The following TRPM3 variants were observed in gnomAD, a reference collection of about 807,000 sequenced individuals.
The protein encoded by TRPM3 is long transient receptor potential channel 3.
TRPM3 carries 77 observed loss-of-function variants against 181.2 expected under a neutral mutation model. The observed-to-expected ratio is 0.42, with a 90% confidence interval of 0.35 to 0.51. TRPM3 has a LOEUF of 0.51. TRPM3 is among the 20% of genes least tolerant of loss of function. The probability of loss-of-function intolerance (pLI) is 0.01; values close to 1 mark genes in which losing one functional copy is unlikely to be tolerated. For synonymous variants in TRPM3, 745 were observed against 796.4 expected (o/e 0.94, Z 1.09); for missense variants, 1,759 against 2,196.7 (o/e 0.80, Z 3.98).
chr9:70,741,684 G>T (rs926758254), intron 8 of TRPM3, among the ~76,000 whole-genome samples: 12 of 152,142 alleles, frequency 7.9e-5, no homozygotes, highest in Non-Finnish European at 1.8e-4. Context: ...CAACCTGTAT[G>T]GAATTGGAGA....
At chr9:71,391,721 T>C (rs1412428334) in intron 1 of TRPM3, among the ~76,000 whole-genome samples, 2 of 152,106 alleles carry the variant, frequency 1.3e-5, no homozygotes, top group Non-Finnish European at 2.9e-5. Context: ...TATTCAACCA[T>C]TTGGACAAAC....
At chr9:70,768,499 T>C (rs566519270) in intron 7 of TRPM3, among the ~76,000 whole-genome samples, 2 of 152,176 alleles carry the variant, frequency 1.3e-5, no homozygotes, top group Non-Finnish European at 2.9e-5. Context: ...AACAGTTTTT[T>C]TTTTCTTGAT....
chr9:70,846,137 T>C (rs1333351003), intron 4 of TRPM3, among the ~76,000 whole-genome samples: 2 of 152,236 alleles, frequency 1.3e-5, no homozygotes, highest in African/African-American at 4.8e-5. Context: ...TGTTTATGAA[T>C]TCTGTATAGT....
At chr9:71,322,187 T>G (rs924002981) in intron 1 of TRPM3, among the ~76,000 whole-genome samples, 4 of 151,842 alleles carry the variant, frequency 2.6e-5, no homozygotes, top group African/African-American at 9.7e-5. Context: ...TGGTATGTCA[T>G]GACATTTAAT....
intron 1 of TRPM3, among the ~76,000 whole-genome samples, chr9:70,986,342 AAC>A (rs1029629694): frequency 3.2e-4 from 49 of 152,198 alleles, no homozygotes; most frequent in Non-Finnish European, 6.2e-4. Context: ...TCACCTGGGC[AAC>A]AGAGGAACAC....
rs540309274 is a variant in TRPM3 at position 70,923,155 on chromosome 9, G to A, written c.178-58644C>T. ...TATTAATTTTTGTAAACATTTAGAT[G>A]AACTAGTTAATAAAAACAAAAAAAG... is the stretch of plus-strand genomic sequence containing the variant. On this transcript the variant is annotated intron_variant, in intron 1 of 25. Transcript: ENST00000677713. Among the ~76,000 whole-genome samples the A allele has an allele frequency of 2.0e-5, 3 of 152,156 alleles. No homozygotes were observed. The East Asian group carries it at 5.8e-4, about 29-fold the overall frequency.
chr9:70,872,247 AG>A (rs1291398709), intron 1 of TRPM3, among the ~76,000 whole-genome samples: 2 of 151,990 alleles, frequency 1.3e-5, no homozygotes, highest in African/African-American at 4.8e-5. Flanking sequence ...CCAATAAAAC[AG>A]GTAGTAGGCT....
chr9:71,322,140 C>T (rs1326096602), intron 1 of TRPM3, among the ~76,000 whole-genome samples: 1 of 152,076 alleles, frequency 6.6e-6, no homozygotes, highest in East Asian at 1.9e-4. Flanking sequence ...TTTTGTGTTA[C>T]AATCCAAGTA....
At chr9:71,167,703 A>G (rs1587743688) in intron 1 of TRPM3, among the ~76,000 whole-genome samples, 2 of 152,226 alleles carry the variant, frequency 1.3e-5, no homozygotes, top group Admixed American at 1.3e-4. Context: ...GCACAAGCTG[A>G]TGAGAGCTCT....
chr9:70,747,707 C>T (rs1283018531), intron 8 of TRPM3, among the ~76,000 whole-genome samples: 1 of 151,858 alleles, frequency 6.6e-6, no homozygotes, highest in Non-Finnish European at 1.5e-5. Flanking sequence ...GTGACAGAGA[C>T]TGTATCTGGT....
intron 7 of TRPM3, among the ~76,000 whole-genome samples, chr9:70,783,691 C>T (rs992858071): frequency 6.6e-6 from 1 of 152,144 alleles, no homozygotes; most frequent in African/African-American, 2.4e-5. Context: ...TGTTTGGAGG[C>T]CAAGCCTGGA....
intron 1 of TRPM3, among the ~76,000 whole-genome samples, chr9:71,307,698 A>G (rs181860695): frequency 3.9e-5 from 6 of 152,254 alleles, no homozygotes; most frequent in Admixed American, 3.9e-4. Context: ...TCTTGGATGT[A>G]CTAACATATG....
intron 1 of TRPM3, among the ~76,000 whole-genome samples, chr9:71,438,597 C>T (rs909665124): frequency 2.0e-5 from 3 of 152,060 alleles, no homozygotes; most frequent in African/African-American, 7.2e-5. Flanking sequence ...CACCTGAGCC[C>T]GGGAGGCTGA....
intron 1 of TRPM3, among the ~76,000 whole-genome samples, chr9:70,913,454 A>G (rs957323206): frequency 7.9e-5 from 12 of 152,184 alleles, no homozygotes; most frequent in African/African-American, 2.9e-4. Context: ...AAGTTTAGAG[A>G]TAGATATTAA....
chr9:70,598,337 C>T (rs1398754126), intron 21 of TRPM3, 82 bp downstream of exon 21: 1 of 1,541,344 alleles, frequency 6.5e-7, no homozygotes, highest in Non-Finnish European at 8.8e-7. Flanking sequence ...GATAGCAGGC[C>T]CAAATGAATT....
chr9:71,263,167 T>G (rs2083177909), intron 1 of TRPM3, among the ~76,000 whole-genome samples: 1 of 152,204 alleles, frequency 6.6e-6, no homozygotes, highest in Non-Finnish European at 1.5e-5. Flanking sequence ...CAATCCTGAT[T>G]TTTATTTGAC....
At chr9:71,406,598 G>A (rs990229089) in intron 1 of TRPM3, among the ~76,000 whole-genome samples, 1 of 152,058 alleles carries the variant, frequency 6.6e-6, no homozygotes, top group South Asian at 2.1e-4. Flanking sequence ...TTCTGTTTAC[G>A]GAAAAAGCAG....
intron 1 of TRPM3, among the ~76,000 whole-genome samples, chr9:71,258,639 C>T (rs2082830810): frequency 6.6e-6 from 1 of 152,162 alleles, no homozygotes; most frequent in Admixed American, 6.5e-5. Context: ...GATACTAATA[C>T]ATTAAATTCA....
At chr9:71,145,732 A>G (rs753620291) in intron 1 of TRPM3, among the ~76,000 whole-genome samples, 1 of 152,194 alleles carries the variant, frequency 6.6e-6, no homozygotes, top group Non-Finnish European at 1.5e-5. Flanking sequence ...GTCTGAAAAC[A>G]TGGGAGTAAA....
Sources: allele counts gnomAD v4.1 joint callset (sites outside exome capture counted in the v4.1 genomes callset), GRCh38; gene constraint gnomAD v4.1.1; transcripts MANE v1.5; gene names NCBI Gene and HGNC (gene_info 2026-07-23, HGNC 2026-07-21).